PSPC1: variants seen among roughly 807,000 people sequenced by gnomAD.
The protein encoded by PSPC1 is paraspeckle component 1, also known as paraspeckle protein 1.
Under a neutral mutation model 51.6 loss-of-function variants are expected in PSPC1, and 14 were observed. The observed-to-expected ratio is 0.27, with a 90% CI of 0.18 to 0.42. The LOEUF is 0.42. PSPC1 is among the 10% of genes least tolerant of loss of function. The probability of loss-of-function intolerance (pLI) is 1.00; values close to 1 mark genes in which losing one functional copy is unlikely to be tolerated. For missense variants in PSPC1, 406 were observed against 701.1 expected (o/e 0.58, Z 4.75); for synonymous variants, 193 against 231.9 (o/e 0.83, Z 1.53).
chr13:19,671,350 T>A, downstream of PSPC1: 1 of 1,474,020 alleles, frequency 6.8e-7, no homozygotes, highest in South Asian at 1.2e-5. Context: ...GATTACTTTA[T>A]CAACATTAGA....
At chr13:19,733,531 C>T (rs1212022828) in intron 5 of PSPC1, among the ~76,000 whole-genome samples, 1 of 151,968 alleles carries the variant, frequency 6.6e-6, no homozygotes, top group Non-Finnish European at 1.5e-5. Flanking sequence ...GAGGCCGAGA[C>T]GGGCAGATCA....
At chr13:19,715,478 G>C (rs569378159) in intron 6 of PSPC1, among the ~76,000 whole-genome samples, 2 of 152,148 alleles carry the variant, frequency 1.3e-5, no homozygotes, top group Admixed American at 6.5e-5. Flanking sequence ...AACCCCAAGT[G>C]CTCCAAAATC....
chr13:19,676,986 G>C (rs142096304), intron 7 of PSPC1, among the ~76,000 whole-genome samples: 3,174 of 152,282 alleles, frequency 0.021, 110 homozygotes, highest in African/African-American at 0.072. Flanking sequence ...TCTAATCCCA[G>C]CACTTTGGGA....
At position 19,782,038 on chromosome 13, in the gene PSPC1, G is replaced by C. The variant is rs1342583343; in HGVS notation, c.372+348C>G. Among the ~76,000 whole-genome samples the C allele has an allele frequency of 3.3e-5, 5 of 152,168 alleles. No homozygotes were observed. Among genetic ancestry groups the C allele is most frequent in the African/African-American group, 9.7e-5 (4 of 41,448 alleles). On this transcript the variant is annotated intron_variant, in intron 1 of 8. Transcript: ENST00000338910. The surrounding 1 kb of genome is among the most constrained non-coding windows in gnomAD (Gnocchi z 4.5). Reference sequence around the variant, plus strand: ...CCCGCCCCTGTCCCCGGACCCTTTCGGTACCCGGGGCAACGGGGAACCCGG... The same window carrying C: ...CCCGCCCCTGTCCCCGGACCCTTTCCGTACCCGGGGCAACGGGGAACCCGG...
At chr13:19,715,356 T>A (rs115560950) in intron 6 of PSPC1, among the ~76,000 whole-genome samples, 2 of 152,176 alleles carry the variant, frequency 1.3e-5, no homozygotes, top group Non-Finnish European at 2.9e-5. Context: ...CAAAGTGGCA[T>A]GGTAAACATG....
At chr13:19,765,234 G>C (rs561382042) in intron 2 of PSPC1, among the ~76,000 whole-genome samples, 3 of 151,212 alleles carry the variant, frequency 2.0e-5, no homozygotes, top group Non-Finnish European at 4.4e-5. Flanking sequence ...TGAGGCACAG[G>C]AATCACTTGA....
intron 4 of PSPC1, among the ~76,000 whole-genome samples, chr13:19,750,923 C>T (rs906048726): frequency 4.6e-5 from 7 of 152,052 alleles, no homozygotes; most frequent in Non-Finnish European, 1.0e-4. Flanking sequence ...GTGCGCACCA[C>T]CACGGCTGGC....
At chr13:19,680,051 G>T (rs1226185474) in intron 6 of PSPC1, among the ~76,000 whole-genome samples, 1 of 152,010 alleles carries the variant, frequency 6.6e-6, no homozygotes, top group African/African-American at 2.4e-5. Flanking sequence ...GTCTCACTCT[G>T]TCACCCAGGC....
intron 6 of PSPC1, chr13:19,679,118 AC>A (rs1876994104): frequency 1.3e-5 from 2 of 152,154 alleles, no homozygotes; most frequent in African/African-American, 4.8e-5. Context: ...ATATATTTCC[AC>A]CAGCAATTGG....
intron 5 of PSPC1, 130 bp downstream of exon 5, chr13:19,741,435 G>C (rs377365082): frequency 1.6e-6 from 1 of 618,422 alleles, no homozygotes; most frequent in Non-Finnish European, 2.8e-6. Context: ...GTAATTCACT[G>C]TATGTGGTTA....
chr13:19,674,547 G>GTT (rs1343764530), downstream of PSPC1: 1 of 152,188 alleles, frequency 6.6e-6, no homozygotes, highest in African/African-American at 2.4e-5. Context: ...CTGTTTGTTT[G>GTT]TTAATGAGAA....
intron 3 of PSPC1, among the ~76,000 whole-genome samples, chr13:19,752,020 T>C (rs1886604560): frequency 6.6e-6 from 1 of 152,160 alleles, no homozygotes; most frequent in African/African-American, 2.4e-5. Context: ...ATCCTGCCAC[T>C]GCACTCCTGC....
chr13:19,779,763 G>A (rs1328115086), intron 1 of PSPC1, among the ~76,000 whole-genome samples: 16 of 77,510 alleles, frequency 2.1e-4, no homozygotes, highest in Admixed American at 5.0e-4. Context: ...CCAGCCAGCC[G>A]GCCCGTCTGG....
At chr13:19,675,875 AAG>A (rs1365855050) in intron 7 of PSPC1, 2 of 152,246 alleles carry the variant, frequency 1.3e-5, no homozygotes, top group Non-Finnish European at 2.9e-5. Context: ...TCAATGTCAC[AAG>A]AATTAAATAT....
intron 6 of PSPC1, among the ~76,000 whole-genome samples, chr13:19,729,023 C>T (rs1883717385): frequency 6.6e-6 from 1 of 151,916 alleles, no homozygotes; most frequent in Admixed American, 6.6e-5. Flanking sequence ...TGCAATAACC[C>T]TTTAAAAACA....
intron 2 of PSPC1, among the ~76,000 whole-genome samples, chr13:19,763,262 C>G (rs1242869523): frequency 6.6e-6 from 1 of 152,124 alleles, no homozygotes; most frequent in Non-Finnish European, 1.5e-5. Flanking sequence ...CTCAAGATAT[C>G]CTCTCGCTTC....
intron 3 of PSPC1, among the ~76,000 whole-genome samples, chr13:19,755,769 A>G (rs796466176): frequency 6.6e-6 from 1 of 152,036 alleles, no homozygotes; most frequent in South Asian, 2.1e-4. Flanking sequence ...ATCTCTACAC[A>G]CTGAAGAACT....
At chr13:19,777,331 G>A (rs943392356) in intron 1 of PSPC1, among the ~76,000 whole-genome samples, 3 of 148,174 alleles carry the variant, frequency 2.0e-5, no homozygotes, top group African/African-American at 7.5e-5. Context: ...TCCAGAGGCT[G>A]AGGTAGGAGA....
At chr13:19,725,751 G>GT (rs1364497242) in intron 6 of PSPC1, among the ~76,000 whole-genome samples, 21 of 152,220 alleles carry the variant, frequency 1.4e-4, no homozygotes, top group African/African-American at 4.8e-4. Context: ...TTAATGCATA[G>GT]TTTGAGATAA....
Sources: allele counts gnomAD v4.1 joint callset (sites outside exome capture counted in the v4.1 genomes callset), GRCh38; gene constraint gnomAD v4.1.1; non-coding constraint Gnocchi (gnomAD v3.1); transcripts MANE v1.5; gene names NCBI Gene and HGNC (gene_info 2026-07-23, HGNC 2026-07-21).